DTNA: variants seen among roughly 807,000 people sequenced by gnomAD.
DTNA encodes the protein dystrobrevin alpha, also known as dystrophin-related protein 3.
Under a neutral mutation model 100.7 loss-of-function variants are expected in DTNA, and 43 were observed. The ratio of observed to expected loss-of-function variants is 0.43; its 90% CI spans 0.33 to 0.55. The LOEUF (loss-of-function observed/expected upper bound fraction) is 0.55. Among genes scored for constraint, DTNA ranks in the 20% least tolerant of loss-of-function variants. DTNA has a pLI of 0.04. For synonymous variants in DTNA, 349 were observed against 347.9 expected (o/e 1.00, Z -0.04); for missense variants, 798 against 953.9 (o/e 0.84, Z 2.15).
intron 1 of DTNA, among the ~76,000 whole-genome samples, chr18:34,510,361 T>C (rs1049347357): frequency 5.5e-4 from 84 of 151,964 alleles, no homozygotes; most frequent in African/African-American, 1.8e-3. Flanking sequence ...AGTTGGATGG[T>C]CATGAAAGGA....
At chr18:34,713,692 G>A (rs1354327928) in intron 1 of DTNA, among the ~76,000 whole-genome samples, 1 of 151,786 alleles carries the variant, frequency 6.6e-6, no homozygotes, top group African/African-American at 2.4e-5. Context: ...AGCTTGATGG[G>A]GATGGCATTG....
chr18:34,545,989 T>G (rs2044738300), intron 1 of DTNA, among the ~76,000 whole-genome samples: 1 of 152,114 alleles, frequency 6.6e-6, no homozygotes, highest in African/African-American at 2.4e-5. Context: ...GATCATTCAT[T>G]AAGGATCTAT....
chr18:34,604,297 A>T (rs181116142), intron 1 of DTNA, among the ~76,000 whole-genome samples: 382 of 152,310 alleles, frequency 2.5e-3, no homozygotes, highest in African/African-American at 8.5e-3. Flanking sequence ...TTTAAAAAAA[A>T]TTTGGGAAAT....
chr18:34,501,434 G>A (rs1292516602), intron 1 of DTNA, among the ~76,000 whole-genome samples: 4 of 151,848 alleles, frequency 2.6e-5, no homozygotes, highest in South Asian at 2.1e-4. Flanking sequence ...TCTTTTTTTG[G>A]TACTGTTTTT....
intron 17 of DTNA, 36 bp from the exon 18 acceptor site, chr18:34,875,202 TG>T: frequency 6.2e-7 from 1 of 1,609,508 alleles, no homozygotes. Flanking sequence ...GACATTTTCT[TG>T]GGAAAGCAAA....
chr18:34,751,503 A>G (rs1387673514), intron 1 of DTNA, among the ~76,000 whole-genome samples: 1 of 152,200 alleles, frequency 6.6e-6, no homozygotes, highest in East Asian at 1.9e-4. Context: ...GGCTTTCCAG[A>G]TTTGATGCCT....
At chr18:34,761,166 A>G (rs879361574) in intron 2 of DTNA, among the ~76,000 whole-genome samples, 358 of 148,450 alleles carry the variant, frequency 2.4e-3, no homozygotes, top group Non-Finnish European at 4.6e-3. Context: ...ACACACACAC[A>G]CACAGAGCCA....
chr18:34,703,662 A>G (rs184887065), intron 1 of DTNA, among the ~76,000 whole-genome samples: 1 of 152,324 alleles, frequency 6.6e-6, no homozygotes, highest in Admixed American at 6.5e-5. Context: ...CCTTGCTGGC[A>G]GAGTATTTGC....
chr18:34,542,923 T>G (rs2044388728), intron 1 of DTNA, among the ~76,000 whole-genome samples: 2 of 152,204 alleles, frequency 1.3e-5, no homozygotes, highest in East Asian at 3.9e-4. Context: ...TTTTTTCTTA[T>G]TTCTACATCA....
intron 1 of DTNA, among the ~76,000 whole-genome samples, chr18:34,621,439 A>G (rs1056747712): frequency 6.6e-6 from 1 of 152,238 alleles, no homozygotes; most frequent in Non-Finnish European, 1.5e-5. Context: ...AGTGTCTGTC[A>G]ATGGATGGAT....
chr18:34,744,601 A>G (rs964043722), intron 1 of DTNA, among the ~76,000 whole-genome samples: 2 of 152,186 alleles, frequency 1.3e-5, no homozygotes, highest in Non-Finnish European at 2.9e-5. Context: ...GGAGCAGAGA[A>G]TGAGAGAATA....
At chr18:34,753,357 A>ATTTTTTTTT (rs869151386) in intron 1 of DTNA, among the ~76,000 whole-genome samples, 2 of 2,018 alleles carry the variant, frequency 9.9e-4, no homozygotes, top group African/African-American at 1.0e-3. Flanking sequence ...TTATTTATTT[A>ATTTTTTTTT]TTTATTTTAT....
intron 1 of DTNA, among the ~76,000 whole-genome samples, chr18:34,510,597 C>T (rs546370987): frequency 6.9e-6 from 1 of 145,186 alleles, no homozygotes; most frequent in African/African-American, 2.5e-5. Flanking sequence ...CCCTGTGGCT[C>T]AATGTGACTA....
chr18:34,530,885 T>C (rs2043072853), intron 1 of DTNA, among the ~76,000 whole-genome samples: 1 of 152,124 alleles, frequency 6.6e-6, no homozygotes, highest in African/African-American at 2.4e-5. Context: ...CAAGAAAATA[T>C]CAGGGAATGC....
At chr18:34,796,239 A>G (rs1443076179) in intron 4 of DTNA, among the ~76,000 whole-genome samples, 1 of 152,268 alleles carries the variant, frequency 6.6e-6, no homozygotes, top group Non-Finnish European at 1.5e-5. Flanking sequence ...ACTGACACTC[A>G]AATTTTCCAT....
chr18:34,655,145 G>A (rs1234496628), intron 1 of DTNA, among the ~76,000 whole-genome samples: 1 of 152,178 alleles, frequency 6.6e-6, no homozygotes, highest in African/African-American at 2.4e-5. Flanking sequence ...CAGCAAAAAT[G>A]TAAACCCCCG....
chr18:34,534,305 G>T (rs1294818415), intron 1 of DTNA, among the ~76,000 whole-genome samples: 1 of 151,996 alleles, frequency 6.6e-6, no homozygotes, highest in African/African-American at 2.4e-5. Flanking sequence ...AGGCTTATGT[G>T]CCAGTCACTT....
At chr18:34,643,341 A>G (rs2059502506) in intron 1 of DTNA, among the ~76,000 whole-genome samples, 1 of 152,262 alleles carries the variant, frequency 6.6e-6, no homozygotes, top group Admixed American at 6.5e-5. Flanking sequence ...ACACTCATTA[A>G]AAAGTATGTG....
chr18:34,588,276 G>A (rs1267874621), intron 1 of DTNA, among the ~76,000 whole-genome samples: 1 of 152,100 alleles, frequency 6.6e-6, no homozygotes, highest in Admixed American at 6.5e-5. Flanking sequence ...AAAACACTCA[G>A]ACAGATATCC....
Sources: allele counts gnomAD v4.1 joint callset (sites outside exome capture counted in the v4.1 genomes callset), GRCh38; gene constraint gnomAD v4.1.1; transcripts MANE v1.5; gene names NCBI Gene and HGNC (gene_info 2026-07-23, HGNC 2026-07-21).